The following GRAMD1B variants were observed in gnomAD, a reference collection of about 807,000 sequenced individuals.
The protein encoded by GRAMD1B is protein Aster-B.
GRAMD1B carries 37 observed loss-of-function variants against 99.7 expected under a neutral mutation model. The observed-to-expected ratio is 0.37, with a 90% CI of 0.29 to 0.49. The LOEUF (loss-of-function observed/expected upper bound fraction) is 0.49. GRAMD1B is among the 20% of genes least tolerant of loss of function. GRAMD1B has a pLI of 0.98. For synonymous variants in GRAMD1B, 427 were observed against 387.6 expected (o/e 1.10, Z -1.19); for missense variants, 888 against 1,009.2 (o/e 0.88, Z 1.63).
intron 4 of GRAMD1B, among the ~76,000 whole-genome samples, chr11:123,592,372 A>G (rs1238922687): frequency 6.6e-6 from 1 of 151,830 alleles, no homozygotes; most frequent in Non-Finnish European, 1.5e-5. Flanking sequence ...CTCATATTCC[A>G]CTCCAAGTTG....
intron 4 of GRAMD1B, among the ~76,000 whole-genome samples, chr11:123,589,808 A>G (rs1269984258): frequency 3.3e-5 from 5 of 152,008 alleles, no homozygotes; most frequent in Non-Finnish European, 7.4e-5. Context: ...TTTGAAGTAC[A>G]GTAAAGTTTG....
At chr11:123,376,207 G>A (rs1442030132) in intron 1 of GRAMD1B, among the ~76,000 whole-genome samples, 1 of 151,854 alleles carries the variant, frequency 6.6e-6, no homozygotes, top group Non-Finnish European at 1.5e-5. Flanking sequence ...AAAGAAATGG[G>A]CAATCACCCA....
chr11:123,596,958 TG>T, intron 7 of GRAMD1B, among the ~76,000 whole-genome samples: 1 of 152,138 alleles, frequency 6.6e-6, no homozygotes, highest in Non-Finnish European at 1.5e-5. Context: ...TACCTGGGCT[TG>T]GAGAACATGT....
At chr11:123,586,606 G>A (rs1425941859) in intron 4 of GRAMD1B, among the ~76,000 whole-genome samples, 1 of 152,184 alleles carries the variant, frequency 6.6e-6, no homozygotes, top group Admixed American at 6.5e-5. Flanking sequence ...GCTTTCATGT[G>A]CAGATGCCTC....
At chr11:123,414,065 G>A (rs1488387513) in intron 1 of GRAMD1B, among the ~76,000 whole-genome samples, 1 of 145,060 alleles carries the variant, frequency 6.9e-6, no homozygotes, top group Admixed American at 6.9e-5. Context: ...TTTTTTTTGA[G>A]ACAGAGTCTT....
intron 19 of GRAMD1B, 63 bp from the exon 20 acceptor site, chr11:123,622,443 C>G: frequency 1.0e-6 from 1 of 1,004,846 alleles, no homozygotes; most frequent in Non-Finnish European, 1.5e-6. Context: ...GAGAGGGCTG[C>G]TCGGTGGAGA....
intron 2 of GRAMD1B, among the ~76,000 whole-genome samples, chr11:123,546,963 T>A (rs1945092401): frequency 1.3e-5 from 2 of 152,150 alleles, no homozygotes; most frequent in African/African-American, 4.8e-5. Context: ...AGGGCCTCAG[T>A]GGATTGAGAG....
chr11:123,391,992 C>T (rs765108247), intron 1 of GRAMD1B, among the ~76,000 whole-genome samples: 2 of 152,150 alleles, frequency 1.3e-5, no homozygotes, highest in African/African-American at 4.8e-5. Flanking sequence ...TACTTTAGCT[C>T]AGCTGAACAG....
At chr11:123,509,969 G>C (rs1940815665) in intron 2 of GRAMD1B, 1 of 152,292 alleles carries the variant, frequency 6.6e-6, no homozygotes. Flanking sequence ...TGGGAGTGGA[G>C]TGGGGGGGTG....
chr11:123,571,725 G>A (rs1948119604), intron 2 of GRAMD1B, among the ~76,000 whole-genome samples: 2 of 152,138 alleles, frequency 1.3e-5, no homozygotes, highest in African/African-American at 4.8e-5. Flanking sequence ...GCTTGAGCAT[G>A]TTATACCTGG....
intron 2 of GRAMD1B, among the ~76,000 whole-genome samples, chr11:123,547,700 T>C (rs937331489): frequency 2.6e-5 from 4 of 152,228 alleles, no homozygotes; most frequent in African/African-American, 9.6e-5. Flanking sequence ...CTTTACAGTT[T>C]TGCACAGGGC....
Position 123,584,052 on chromosome 11 carries a change from C to T in GRAMD1B, c.664-260C>T, listed in dbSNP as rs536598768. On this transcript the variant is annotated intron_variant, in intron 3 of 19. Transcript: ENST00000635736. ...TTGCGATGGGGCTCCGACTCCCTTC[C>T]GGTTGAGCTCTAGCTGGTGCTGCCG... Among the ~76,000 whole-genome samples the T allele has an allele frequency of 5.0e-4, 76 of 152,180 alleles. 1 individual carries two copies. The highest frequency in any genetic ancestry group is 1.7e-3 in the African/African-American group (70 of 41,544).
intron 1 of GRAMD1B, 110 bp downstream of exon 1, chr11:123,431,276 T>C: frequency 1.7e-6 from 1 of 595,326 alleles, no homozygotes; most frequent in East Asian, 2.8e-5. Context: ...CAGGAGCCCG[T>C]CACCAGAGGC....
intron 2 of GRAMD1B, among the ~76,000 whole-genome samples, chr11:123,563,352 T>C (rs1294610107): frequency 6.6e-6 from 1 of 152,080 alleles, no homozygotes; most frequent in East Asian, 1.9e-4. Flanking sequence ...GATTTTTAAC[T>C]TCAGAGAATA....
upstream of GRAMD1B, among the ~76,000 whole-genome samples, chr11:123,430,001 C>A (rs904217776): frequency 2.6e-5 from 4 of 152,070 alleles, no homozygotes; most frequent in African/African-American, 9.7e-5. Context: ...CACCCCCCAC[C>A]CCCAAGGAAA....
chr11:123,391,072 C>T (rs1174483229), intron 1 of GRAMD1B, among the ~76,000 whole-genome samples: 1 of 152,192 alleles, frequency 6.6e-6, no homozygotes, highest in African/African-American at 2.4e-5. Context: ...TAAACTTGGC[C>T]CTTCTTGCTG....
chr11:123,503,963 C>T, intron 2 of GRAMD1B, among the ~76,000 whole-genome samples: 1 of 152,170 alleles, frequency 6.6e-6, no homozygotes, highest in African/African-American at 2.4e-5. Flanking sequence ...AGAGAAGTTT[C>T]ATAACTTATA....
intron 2 of GRAMD1B, among the ~76,000 whole-genome samples, chr11:123,552,943 T>C (rs1362912018): frequency 2.0e-5 from 3 of 152,242 alleles, no homozygotes; most frequent in Non-Finnish European, 1.5e-5. Flanking sequence ...CTAGAAAATA[T>C]AGATCACTAG....
chr11:123,430,689 A>C lies in GRAMD1B; in HGVS notation c.-104A>C. 1.7e-6 allele frequency: 1 copy of C among 575,684 alleles called. No homozygotes were observed. The highest frequency in any genetic ancestry group is 3.1e-6 in the Non-Finnish European group (1 of 327,474). 35.7% of individuals were successfully genotyped at this position (575,684 alleles called of 1,614,324 possible). ...AGGAACTTGTTCCTTCGGCCCCAGG[A>C]TTGGGGAGTGTGCCGCGGGGCCGAG... On this transcript the variant is annotated 5_prime_UTR_variant, in exon 1 of 20. Coordinates refer to ENST00000635736, the MANE Select transcript of GRAMD1B (RefSeq NM_001387025.1).
Sources: gnomAD v4.1 joint callset for allele counts (sites outside exome capture counted in the v4.1 genomes callset) on GRCh38, gnomAD v4.1.1 for gene constraint, MANE v1.5 for transcripts, NCBI Gene and HGNC (gene_info 2026-07-23, HGNC 2026-07-21) for gene names.